The following KRT24 variants were observed in gnomAD, a reference collection of about 807,000 sequenced individuals.
KRT24 encodes the protein keratin, type I cytoskeletal 24.
KRT24 carries 44 observed loss-of-function variants against 51.7 expected under a neutral mutation model. That is an observed-to-expected ratio of 0.85 (90% CI 0.67 to 1.09). KRT24 has a LOEUF of 1.09. KRT24 is among the 50% of genes least tolerant of loss of function. KRT24 has a pLI of 0.00. For synonymous variants in KRT24, 241 were observed against 249.5 expected, an observed-to-expected ratio of 0.97 and a Z score of 0.32; for missense variants, 633 against 647.0, an observed-to-expected ratio of 0.98 and a Z score of 0.24.
chr17:40,698,222 T>C lies in KRT24; in HGVS notation c.*15A>G. ...TTTTTTCTTTGAAAGACACTTTTGTTGATCTGGAAGTTCCTTATTTAACTT... is the reference window on the plus strand; with the variant it reads ...TTTTTTCTTTGAAAGACACTTTTGTCGATCTGGAAGTTCCTTATTTAACTT... On this transcript the variant is annotated 3_prime_UTR_variant, in exon 8 of 8. Coordinates refer to ENST00000264651, the MANE Select transcript of KRT24 (RefSeq NM_019016.3). 1 of 1,530,928 alleles carries C rather than the reference T, an allele frequency of 6.5e-7. No individual in the cohort carries two copies. 94.8% of individuals were successfully genotyped at this position (1,530,928 alleles called of 1,614,324 possible).
chr17:40,699,688 C>T, intron 5 of KRT24, 27 bp from the exon 6 acceptor site: 2 of 1,585,070 alleles, frequency 1.3e-6, no homozygotes, highest in Non-Finnish European at 8.7e-7. Flanking sequence ...ATAAAAAATT[C>T]ATGATGAAAA....
chr17:40,701,901 G>T lies in KRT24; in HGVS notation c.648C>A (p.Ile216=). 6.4e-7 allele frequency: 1 copy of T among 1,551,692 alleles called. No homozygotes were observed. Among genetic ancestry groups the T allele is most frequent in the Non-Finnish European group, 8.8e-7 (1 of 1,142,412 alleles). ...IIAATVENAG[I]ILHIDNARLA... ...ATCTGGCATTGTCAATGTGCAAAAT[G>T]ATCCCAGCATTTTCAACAGTGGCAG... The change falls in exon 2 of 8, where the codon ATC becomes ATA. Residue 216 remains isoleucine, a synonymous_variant. Coordinates refer to ENST00000264651, the MANE Select transcript of KRT24 (RefSeq NM_019016.3).
At chr17:40,701,762 TATATATATATATATA>T (rs1567863086) in intron 2 of KRT24, 74 bp downstream of exon 2, 524 of 43,782 alleles carry the variant, frequency 0.012, 17 homozygotes, top group African/African-American at 0.052. Flanking sequence ...TATATATATA[TATATATATATATATA>T]TATTTATTTA....
Position 40,701,941 on chromosome 17 carries a change from A to T in KRT24, c.616-8T>A, listed in dbSNP as rs748328488. 4.1e-6 allele frequency: 6 copies of T among 1,467,648 alleles called. No homozygotes were observed. The highest frequency in any genetic ancestry group is 5.6e-6 in the Non-Finnish European group (6 of 1,071,470). The allele number at this position is 1,467,648 out of a possible 1,614,324, so 90.9% of individuals were successfully genotyped here. A position where few individuals can be genotyped will look rare whatever the true frequency, so the allele number is the denominator to read the frequency against. ...AACAGTGGCAGCAATGATCTAAAAA[A>T]GATGTTAATAGTGAGTGAATCACGA... On this transcript the variant is annotated splice_region_variant and splice_polypyrimidine_tract_variant and intron_variant, in intron 1 of 7. Coordinates refer to ENST00000264651, the MANE Select transcript of KRT24 (RefSeq NM_019016.3).
At position 40,700,275 on chromosome 17, in the gene KRT24, C is replaced by T. The variant is rs201916933; in HGVS notation, c.964G>A (p.Glu322Lys). 13 of 1,614,024 alleles carry T rather than the reference C, an allele frequency of 8.1e-6. No individual in the cohort carries two copies. The highest frequency in any genetic ancestry group is 6.6e-5 in the South Asian group (6 of 91,084). ...KLLNDMRAQYEELAEQNRREA... is the reference protein window; with the variant it reads ...KLLNDMRAQYKELAEQNRREA... ...CGGCGGTTTTGCTCAGCCAGCTCCT[C>T]GTACTGCGCCCTCATGTCATTCAGT... Residue 322 changes from glutamate (E) to lysine (K), a missense_variant, in exon 4 of 8, where the codon GAG becomes AAG. Transcript: ENST00000264651.
At position 40,698,236 on chromosome 17, in the gene KRT24, CT is replaced by C; in HGVS notation, c.1578del (p.Ter526=). 1 of 1,595,172 alleles carries C rather than the reference CT, an allele frequency of 6.3e-7. No individual in the cohort carries two copies. The highest frequency in any genetic ancestry group is 8.6e-7 in the Non-Finnish European group (1 of 1,163,928). ...GACACTTTTGTTGATCTGGAAGTTCCTTATTTAACTTTCACCTCAGAAATAC... is the reference window on the plus strand; with the variant it reads ...GACACTTTTGTTGATCTGGAAGTTCCTATTTAACTTTCACCTCAGAAATAC... ...VSSISEVKVK[*>X] On this transcript the variant is annotated frameshift_variant and stop_lost, in exon 8 of 8. Transcript: ENST00000264651. LOFTEE classifies it high-confidence loss of function.
chr17:40,701,332 A>G, intron 2 of KRT24, 36 bp from the exon 3 acceptor site: 1 of 1,594,014 alleles, frequency 6.3e-7, no homozygotes, highest in Non-Finnish European at 8.6e-7. Flanking sequence ...AAATACTGTG[A>G]GCTCACCTGG....
In KRT24 at chr17:40,698,635, T is replaced by C; in HGVS notation, c.1377A>G (p.Ala459=). ...ATCCTGAGTTTCTACCACCAAATTC[T>C]GCAAAACTAGAACCACTGGAGAAAA... is the stretch of plus-strand genomic sequence containing the variant. ...LDGEGGGSSF[A]EFGGRNSGSV... The change falls in exon 7 of 8, where the codon GCA becomes GCG. Residue 459 remains alanine, a synonymous_variant. Transcript: ENST00000264651. 3 of 1,586,094 alleles carry C rather than the reference T, an allele frequency of 1.9e-6. No individual in the cohort carries two copies. The highest frequency in any genetic ancestry group is 2.6e-6 in the Non-Finnish European group (3 of 1,155,154).
intron 5 of KRT24, 120 bp downstream of exon 5, chr17:40,699,878 C>A: frequency 7.9e-7 from 1 of 1,271,880 alleles, no homozygotes; most frequent in Admixed American, 2.1e-5. Context: ...TTTCTATAAT[C>A]ATAATGCAGT....
Position 40,700,021 on chromosome 17 carries a change from C to A in KRT24, c.1120G>T (p.Glu374Ter), listed in dbSNP as rs2037655889. Reference sequence around the variant, plus strand: ...ACCATGGCCAGTTGGGACTGAAGCTCAATTTCCAGGGCTTGCAGGGTACGT... The same window carrying A: ...ACCATGGCCAGTTGGGACTGAAGCTAAATTTCCAGGGCTTGCAGGGTACGT... ...LKRTLQALEI[E>*]LQSQLAMKSS... The change falls in exon 5 of 8, where the codon GAG (glutamate) becomes TAG (stop). Residue 374 changes from glutamate (E) to a stop codon, truncating the protein, a stop_gained. Coordinates refer to ENST00000264651, the MANE Select transcript of KRT24 (RefSeq NM_019016.3). LOFTEE classifies it high-confidence loss of function. 1 of 1,614,164 alleles carries A rather than the reference C, an allele frequency of 6.2e-7. No individual in the cohort carries two copies. Among genetic ancestry groups the A allele is most frequent in the Non-Finnish European group, 8.5e-7 (1 of 1,180,030 alleles).
At position 40,701,177 on chromosome 17, in the gene KRT24, G is replaced by A. The variant is rs780770601; in HGVS notation, c.818C>T (p.Thr273Ile). Reference protein sequence around the residue: ...SDLEMQIESFTEELAYLRKNH... With the variant: ...SDLEMQIESFIEELAYLRKNH... Reference sequence around the variant, plus strand: ...CTTCCTCAGGTAGGCTAGCTCCTCGGTGAAACTCTCAATCTGCATCTCCAG... The same window carrying A: ...CTTCCTCAGGTAGGCTAGCTCCTCGATGAAACTCTCAATCTGCATCTCCAG... Residue 273 changes from threonine (T) to isoleucine (I), a missense_variant, in exon 3 of 8, where the codon ACC (threonine) becomes ATC (isoleucine). Transcript: ENST00000264651. 1 of 1,614,022 alleles carries A rather than the reference G, an allele frequency of 6.2e-7. No homozygotes were observed. Among genetic ancestry groups the A allele is most frequent in the Middle Eastern group, 1.6e-4 (1 of 6,062 alleles).
Position 40,700,351 on chromosome 17 carries a change from C to A in KRT24, c.888G>T (p.Gly296=). ...EMKNMQGSSG[G]EVTVEMNAAP... is the part of the protein sequence containing the mutation. ...CAGCATTCATTTCTACGGTCACCTC[C>A]CCTCCAGAGCTTCCTTGCATATTCT... is the stretch of plus-strand genomic sequence containing the variant. Residue 296 remains glycine, a synonymous_variant, in exon 4 of 8, where the codon GGG becomes GGT. Coordinates refer to ENST00000264651, the MANE Select transcript of KRT24 (RefSeq NM_019016.3). 1 of 1,613,686 alleles carries A rather than the reference C, an allele frequency of 6.2e-7. No homozygotes were observed. The highest frequency in any genetic ancestry group is 8.5e-7 in the Non-Finnish European group (1 of 1,179,818).
At position 40,699,523 on chromosome 17, in the gene KRT24, A is replaced by G; in HGVS notation, c.1282T>C (p.Tyr428His). 1 of 1,613,754 alleles carries G rather than the reference A, an allele frequency of 6.2e-7. No individual in the cohort carries two copies. Among genetic ancestry groups the G allele is most frequent in the Non-Finnish European group, 8.5e-7 (1 of 1,179,812 alleles). Residue 428 changes from tyrosine to histidine, a missense_variant, in exon 6 of 8, where the codon TAC (tyrosine) becomes CAC (histidine). Physicochemically the swap from Tyr to His is moderately conservative, Grantham distance 83 (BLOSUM62 2). Transcript: ENST00000264651. Reference protein sequence around the residue: ...WGETKCQNAEYKQLLDIKTRL... With the variant: ...WGETKCQNAEHKQLLDIKTRL... The stretch of plus-strand genomic sequence containing the variant: ...GTCTTGATGTCCAGCAATTGCTTGT[A>G]CTCTGCGTTCTGGCATTTAGTCTCA...
At position 40,698,559 on chromosome 17, in the gene KRT24, T is replaced by C. The variant is rs770361757; in HGVS notation, c.1453A>G (p.Ser485Gly). The C allele has an allele frequency of 6.2e-7, 1 of 1,606,752 alleles. No individual in the cohort carries two copies. Among genetic ancestry groups the C allele is most frequent in the South Asian group, 1.1e-5 (1 of 90,542 alleles). Residue 485 changes from serine (S) to glycine (G), a missense_variant, in exon 7 of 8, where the codon AGC becomes GGC. Ser to Gly is a moderately conservative substitution (Grantham distance 56). Coordinates refer to ENST00000264651, the MANE Select transcript of KRT24 (RefSeq NM_019016.3). ...DLVSGDSRSG[S>G]CSGQGRDSSK... ...CTACCTCGTCCTTGACCAGAACAGC[T>C]TCCAGATCTTGAGTCACCAGATACC... is the stretch of plus-strand genomic sequence containing the variant.
At chr17:40,699,170 C>G (rs1455097701) in intron 6 of KRT24, among the ~76,000 whole-genome samples, 3 of 152,146 alleles carry the variant, frequency 2.0e-5, no homozygotes, top group Non-Finnish European at 4.4e-5. Flanking sequence ...AGCCACTGTG[C>G]CCAGCCTCCA....
At chr17:40,702,027 G>A in intron 1 of KRT24, 94 bp from the exon 2 acceptor site, 1 of 528,872 alleles carries the variant, frequency 1.9e-6, no homozygotes, top group Non-Finnish European at 3.2e-6. Context: ...TGTGTTATTA[G>A]CTCTTTTTTT....
In KRT24 at chr17:40,703,512, C is replaced by T. The variant is rs761001652; in HGVS notation, c.182G>A (p.Gly61Glu). Residue 61 changes from glycine (G) to glutamate (E), a missense_variant, in exon 1 of 8, where the codon GGG becomes GAG. Physicochemically the swap from Gly to Glu is moderately conservative, Grantham distance 98. Transcript: ENST00000264651. ...ACCAAAGCCCCCTCCAAAGCTGCCC[C>T]CAAAAGCACCGCTAGACCCCCCACT... ...SLSGGSSGAF[G>E]GSFGGGFGSC... 7.2e-7 allele frequency: 1 copy of T among 1,387,792 alleles called. No homozygotes were observed. The highest frequency in any genetic ancestry group is 3.4e-5 in the East Asian group (1 of 29,752). 86.0% of individuals were successfully genotyped at this position (1,387,792 alleles called of 1,614,324 possible).
In KRT24 at chr17:40,699,631, T is replaced by G; in HGVS notation, c.1174A>C (p.Thr392Pro). 6.2e-7 allele frequency: 1 copy of G among 1,614,136 alleles called. No homozygotes were observed. The change falls in exon 6 of 8, where the codon ACA becomes CCA. Residue 392 changes from threonine to proline, a missense_variant. Thr to Pro is a conservative substitution (Grantham distance 38, BLOSUM62 -1). Transcript: ENST00000264651. ...AGCTGAGCCACGTAGCCAGCTTCTG[T>G]GTCAGCCAGGGTTCCCTCCAGGGAG... ...KSSLEGTLAD[T>P]EAGYVAQLSE...
chr17:40,702,195 C>G (rs2037692083), intron 1 of KRT24, among the ~76,000 whole-genome samples: 1 of 152,024 alleles, frequency 6.6e-6, no homozygotes, highest in African/African-American at 2.4e-5. Flanking sequence ...CTATGCCCGG[C>G]TAATTTTTTT....
Sources: gnomAD v4.1 joint callset for allele counts (sites outside exome capture counted in the v4.1 genomes callset) on GRCh38, gnomAD v4.1.1 for gene constraint, MANE v1.5 for transcripts, NCBI Gene and HGNC (gene_info 2026-07-23, HGNC 2026-07-21) for gene names.